Variants in SASH1 observed in about 807,000 individuals in gnomAD.
SASH1 encodes the protein SAM and SH3 domain-containing protein 1.
SASH1 carries 44 observed loss-of-function variants against 125.2 expected under a neutral mutation model. That is an observed-to-expected ratio of 0.35 (90% confidence interval 0.28 to 0.45). The LOEUF is 0.45. Among genes scored for constraint, SASH1 ranks in the 20% least tolerant of loss-of-function variants. SASH1 has a pLI of 1.00. For missense variants in SASH1, 1,426 were observed against 1,614.5 expected (o/e 0.88, Z 2.00); for synonymous variants, 639 against 649.1 (o/e 0.98, Z 0.24).
chr6:148,514,347 G>C lies in SASH1; in HGVS notation c.753G>C (p.Glu251Asp), dbSNP rs773099917. The change falls in exon 9 of 20, where the codon GAG becomes GAC. Residue 251 changes from glutamate (E) to aspartate (D), a missense_variant. This residue lies in a region of SASH1 where 567 missense variants were observed against 575.6 expected (regional missense o/e 0.99). Transcript: ENST00000367467. Reference protein sequence around the residue: ...NCNSREQSDDETEESVKFKRL... With the variant: ...NCNSREQSDDDTEESVKFKRL... Reference sequence around the variant, plus strand: ...AGTCAAGAGAACAATCGGATGATGAGACTGAGGAGTCGGTGAAGTTTAAGA... The same window carrying C: ...AGTCAAGAGAACAATCGGATGATGACACTGAGGAGTCGGTGAAGTTTAAGA... The C allele has an allele frequency of 1.9e-6, 3 of 1,606,006 alleles. No homozygotes were observed. The African/African-American group carries it at 4.0e-5, about 22-fold the overall frequency.
intron 8 of SASH1, among the ~76,000 whole-genome samples, chr6:148,491,610 A>C (rs908079750): frequency 6.6e-6 from 1 of 152,112 alleles, no homozygotes; most frequent in Non-Finnish European, 1.5e-5. Flanking sequence ...AGCATGTTTT[A>C]TGTCTTGCAA....
chr6:148,534,008 G>A (rs770531105), intron 15 of SASH1, 28 bp downstream of exon 15: 32 of 1,600,338 alleles, frequency 2.0e-5, no homozygotes, highest in Non-Finnish European at 2.5e-5. Context: ...CTTGTCACAC[G>A]CTACTACCTC....
At chr6:148,354,032 G>T (rs1781835761) in intron 1 of SASH1, among the ~76,000 whole-genome samples, 1 of 152,060 alleles carries the variant, frequency 6.6e-6, no homozygotes, top group Admixed American at 6.6e-5. Context: ...GAGTAACCAG[G>T]CATGGACCTG....
the SASH1 span, among the ~76,000 whole-genome samples, chr6:148,221,877 G>A: frequency 0.027 from 4,126 of 152,212 alleles, 173 homozygotes; most frequent in African/African-American, 0.095. Flanking sequence ...CTTTCCCTGC[G>A]GGTCACTTAG....
At chr6:148,358,287 C>T (rs999775662) in intron 1 of SASH1, among the ~76,000 whole-genome samples, 1 of 152,122 alleles carries the variant, frequency 6.6e-6, no homozygotes, top group African/African-American at 2.4e-5. Flanking sequence ...ACCGATGGCT[C>T]CCAAGGATCA....
chr6:148,311,109 T>TC (rs57113809), intron 1 of SASH1, among the ~76,000 whole-genome samples: 39,910 of 150,258 alleles, frequency 0.27, 5,533 homozygotes, highest in South Asian at 0.34. Flanking sequence ...TTTTTTTCTT[T>TC]CTTTTTTTTC....
chr6:148,318,575 C>T (rs1237372804), intron 1 of SASH1, among the ~76,000 whole-genome samples: 2 of 143,140 alleles, frequency 1.4e-5, no homozygotes, highest in East Asian at 4.1e-4. Context: ...TTTTTTGAGA[C>T]GGCGTCTCTT....
At chr6:148,463,941 C>T (rs1323422792) in intron 4 of SASH1, among the ~76,000 whole-genome samples, 1 of 152,088 alleles carries the variant, frequency 6.6e-6, no homozygotes, top group Non-Finnish European at 1.5e-5. Flanking sequence ...TTGTTTATTG[C>T]TATGTTCTCA....
chr6:148,377,069 C>T (rs1162995006), intron 1 of SASH1, among the ~76,000 whole-genome samples: 40 of 147,338 alleles, frequency 2.7e-4, no homozygotes, highest in African/African-American at 9.2e-4. Flanking sequence ...ACTTGGGAGG[C>T]TGAGGCAGGA....
chr6:148,238,277 G>A, the SASH1 span, among the ~76,000 whole-genome samples: 1 of 151,922 alleles, frequency 6.6e-6, no homozygotes, highest in Non-Finnish European at 1.5e-5. Context: ...AGGCTGGAGT[G>A]CAGTGGCGCA....
chr6:148,330,989 G>T (rs957521445), intron 1 of SASH1, among the ~76,000 whole-genome samples: 9 of 152,090 alleles, frequency 5.9e-5, no homozygotes, highest in African/African-American at 2.2e-4. Flanking sequence ...TCTCCTAAGT[G>T]TCGGGTGGCT....
chr6:148,460,960 G>A (rs1355511135), intron 4 of SASH1, among the ~76,000 whole-genome samples: 2 of 152,174 alleles, frequency 1.3e-5, no homozygotes, highest in Admixed American at 6.5e-5. Context: ...GGCAATACTT[G>A]GTGGAATGGG....
intron 8 of SASH1, chr6:148,509,164 T>C (rs1779975458): frequency 5.9e-6 from 2 of 340,794 alleles, no homozygotes; most frequent in Non-Finnish European, 1.2e-5. Context: ...AGGCTTTTCC[T>C]GGGGAGGACT....
At chr6:148,358,060 C>CAAAA (rs34729070) in intron 1 of SASH1, among the ~76,000 whole-genome samples, 3 of 65,608 alleles carry the variant, frequency 4.6e-5, no homozygotes, top group African/African-American at 1.2e-4. Context: ...AACTCCGTCT[C>CAAAA]AAAAAAAAAA....
At chr6:148,277,239 C>A (rs1245673169) in intron 1 of SASH1, among the ~76,000 whole-genome samples, 1 of 152,186 alleles carries the variant, frequency 6.6e-6, no homozygotes, top group East Asian at 1.9e-4. Context: ...GGTCAGGTGG[C>A]CAATGTGGCC....
chr6:148,256,250 A>G, the SASH1 span, among the ~76,000 whole-genome samples: 2 of 152,364 alleles, frequency 1.3e-5, no homozygotes, highest in Non-Finnish European at 2.9e-5. Flanking sequence ...CACATACTCA[A>G]CAAAGATATA....
chr6:148,538,682 G>A (rs1333744290), intron 16 of SASH1, among the ~76,000 whole-genome samples: 1 of 152,168 alleles, frequency 6.6e-6, no homozygotes, highest in Non-Finnish European at 1.5e-5. Flanking sequence ...AGGAAGTGGT[G>A]GACAGCCGGA....
intron 2 of SASH1, among the ~76,000 whole-genome samples, chr6:148,424,104 T>G (rs995999302): frequency 3.3e-5 from 5 of 152,108 alleles, no homozygotes; most frequent in African/African-American, 4.8e-5. Context: ...TGTAAGTAAT[T>G]TATTCTATTG....
chr6:148,216,747 T>C, the SASH1 span, among the ~76,000 whole-genome samples: 2 of 152,046 alleles, frequency 1.3e-5, no homozygotes, highest in Non-Finnish European at 2.9e-5. Flanking sequence ...TCTTTTTTTT[T>C]TGAGACAGAG....
Sources: gnomAD v4.1 joint callset for allele counts (sites outside exome capture counted in the v4.1 genomes callset) on GRCh38, gnomAD v4.1.1 for gene constraint, gnomAD v4.1.1 regional missense constraint, MANE v1.5 for transcripts, NCBI Gene and HGNC (gene_info 2026-07-23, HGNC 2026-07-21) for gene names.